TFCP2L1: variants seen among roughly 807,000 people sequenced by gnomAD.
The protein encoded by TFCP2L1 is transcription factor CP2-like protein 1.
A neutral mutation model predicts 72.2 loss-of-function variants in TFCP2L1; 12 were observed. That is an observed-to-expected ratio of 0.17 (90% CI 0.11 to 0.27). The LOEUF (loss-of-function observed/expected upper bound fraction) is 0.27, where lower values mean the gene tolerates loss of function less well. TFCP2L1 is among the 10% of genes least tolerant of loss of function. The pLI, the probability that TFCP2L1 is intolerant of heterozygous loss-of-function variation, is 1.00. For synonymous variants in TFCP2L1, 260 were observed against 251.0 expected, an observed-to-expected ratio of 1.04 and a Z score of -0.34; for missense variants, 488 against 624.6, an observed-to-expected ratio of 0.78 and a Z score of 2.33.
chr2:121,240,797 A>C, intron 7 of TFCP2L1: 1 of 943,362 alleles, frequency 1.1e-6, no homozygotes, highest in Non-Finnish European at 1.3e-6. Context: ...TAATCCATAA[A>C]TGCAGTGCTT....
chr2:121,278,184 C>T (rs1687184911), intron 2 of TFCP2L1, among the ~76,000 whole-genome samples: 1 of 148,216 alleles, frequency 6.7e-6, no homozygotes, highest in South Asian at 2.1e-4. Context: ...CTACAGGCGC[C>T]CGCCACCGCG....
chr2:121,224,312 C>G lies in TFCP2L1; in HGVS notation c.*29G>C. Reference sequence around the variant, plus strand: ...CCACGGGGATCCACAGGGCTGGGAGCTGGAGACAGGTATGAGGTCCACTGC... The same window carrying G: ...CCACGGGGATCCACAGGGCTGGGAGGTGGAGACAGGTATGAGGTCCACTGC... On this transcript the variant is annotated 3_prime_UTR_variant, in exon 15 of 15. Transcript: ENST00000263707. The G allele has an allele frequency of 6.2e-7, 1 of 1,613,342 alleles. No homozygotes were observed. Among genetic ancestry groups the G allele is most frequent in the Non-Finnish European group, 8.5e-7 (1 of 1,179,720 alleles).
intron 2 of TFCP2L1, among the ~76,000 whole-genome samples, chr2:121,275,851 G>A (rs184118007): frequency 6.6e-6 from 1 of 152,182 alleles, no homozygotes; most frequent in Non-Finnish European, 1.5e-5. Flanking sequence ...GATTACAGGC[G>A]TGAGCCACCG....
chr2:121,263,469 CAA>C (rs10603088), intron 2 of TFCP2L1, among the ~76,000 whole-genome samples: 14,697 of 67,422 alleles, frequency 0.22, 496 homozygotes, highest in South Asian at 0.3. Context: ...CTGTTTTTGG[CAA>C]AAAAAAAAAA....
In TFCP2L1 at chr2:121,226,052, C is replaced by G. The variant is rs549269171; in HGVS notation, c.1342-439G>C. The stretch of plus-strand genomic sequence containing the variant: ...ACACACGGGAACGTGGTAAACACCA[C>G]TGCCACGGTGTCTACACACACGGGA... On this transcript the variant is annotated intron_variant, in intron 13 of 14. Coordinates refer to ENST00000263707, the MANE Select transcript of TFCP2L1 (RefSeq NM_014553.3). Among the ~76,000 whole-genome samples the G allele has an allele frequency of 3.5e-5, 5 of 144,636 alleles. 1 individual carries two copies. Among genetic ancestry groups the G allele is most frequent in the African/African-American group, 1.0e-4 (4 of 38,134 alleles). The allele number at this position is 144,636 out of a possible 152,430, so 94.9% of individuals were successfully genotyped here.
chr2:121,270,823 T>C (rs1687031982), intron 2 of TFCP2L1, among the ~76,000 whole-genome samples: 5 of 151,536 alleles, frequency 3.3e-5, no homozygotes, highest in Admixed American at 3.3e-4. Flanking sequence ...GAGCTATGAT[T>C]GTGTCACTGC....
chr2:121,222,140 C>G lies in TFCP2L1; in HGVS notation c.*2201G>C, dbSNP rs565477084. 6.6e-6 allele frequency: 1 copy of G among 152,240 alleles called. No individual in the cohort carries two copies. The highest frequency in any genetic ancestry group is 2.4e-5 in the African/African-American group (1 of 41,532). 9.4% of individuals were successfully genotyped at this position (152,240 alleles called of 1,614,324 possible). On this transcript the variant is annotated 3_prime_UTR_variant, in exon 15 of 15. Transcript: ENST00000263707. ...CATTAGGATGCTAAAAGCAAAAAGA[C>G]AGATAATAGCAAGTGTTGATGAGGA... is the stretch of plus-strand genomic sequence containing the variant.
At chr2:121,282,933 T>C (rs895092809) in intron 1 of TFCP2L1, among the ~76,000 whole-genome samples, 1 of 152,114 alleles carries the variant, frequency 6.6e-6, no homozygotes, top group Non-Finnish European at 1.5e-5. Context: ...CCCGTCACCA[T>C]CCACTGCCGA....
intron 2 of TFCP2L1, among the ~76,000 whole-genome samples, chr2:121,264,577 C>T (rs1686892473): frequency 6.6e-6 from 1 of 152,224 alleles, no homozygotes; most frequent in Non-Finnish European, 1.5e-5. Flanking sequence ...CGTGTGCTCT[C>T]AGGAGGCTTT....
chr2:121,240,603 T>A, intron 7 of TFCP2L1: 1 of 985,438 alleles, frequency 1.0e-6, no homozygotes, highest in Non-Finnish European at 1.2e-6. Flanking sequence ...CGCTGCACTG[T>A]GGCAAGGGCT....
Position 121,285,197 on chromosome 2 carries a change from G to T in TFCP2L1, c.-88C>A. 8.4e-7 allele frequency: 1 copy of T among 1,191,056 alleles called. No individual in the cohort carries two copies. The highest frequency in any genetic ancestry group is 2.5e-5 in the South Asian group (1 of 39,560). 73.8% of individuals were successfully genotyped at this position (1,191,056 alleles called of 1,614,324 possible). A position where few individuals can be genotyped will look rare whatever the true frequency, so the allele number is the denominator to read the frequency against. On this transcript the variant is annotated 5_prime_UTR_variant, in exon 1 of 15. Coordinates refer to ENST00000263707, the MANE Select transcript of TFCP2L1 (RefSeq NM_014553.3). ...GGACCCAGCGGCGGCTTCGCGCTCCGAACCCGCGGTGCCGGCCGGCTCGGC... is the reference window on the plus strand; with the variant it reads ...GGACCCAGCGGCGGCTTCGCGCTCCTAACCCGCGGTGCCGGCCGGCTCGGC...
In TFCP2L1 at chr2:121,261,070, G is replaced by A. The variant is rs373629155; in HGVS notation, c.215-11423C>T. Among the ~76,000 whole-genome samples the A allele has an allele frequency of 4.6e-5, 7 of 152,270 alleles. No homozygotes were observed. The South Asian group carries it at 1.5e-3, about 32-fold the overall frequency. On this transcript the variant is annotated intron_variant, in intron 2 of 14. Coordinates refer to ENST00000263707, the MANE Select transcript of TFCP2L1 (RefSeq NM_014553.3). The stretch of plus-strand genomic sequence containing the variant: ...GCACACACGGCTGACCTTGTCTCTT[G>A]CACATGTGCAATACTAGGCAAGTGT...
rs142315900 is a variant in TFCP2L1 at position 121,272,627 on chromosome 2, A to G, written c.214+8493T>C. On this transcript the variant is annotated intron_variant, in intron 2 of 14. Coordinates refer to ENST00000263707, the MANE Select transcript of TFCP2L1 (RefSeq NM_014553.3). ...GGGAAAAGAGAGGATAAAAATCAGCAAAAGTTATCAAAGTCTCAACTCGAT... is the reference window on the plus strand; with the variant it reads ...GGGAAAAGAGAGGATAAAAATCAGCGAAAGTTATCAAAGTCTCAACTCGAT... Among the ~76,000 whole-genome samples, 19 of 152,324 alleles carry G rather than the reference A, an allele frequency of 1.2e-4. No individual in the cohort carries two copies. The East Asian group carries it at 3.7e-3, about 29-fold the overall frequency.
chr2:121,263,978 T>C (rs910313688), intron 2 of TFCP2L1, among the ~76,000 whole-genome samples: 3 of 152,172 alleles, frequency 2.0e-5, no homozygotes, highest in Non-Finnish European at 2.9e-5. Flanking sequence ...AAGCCTGCCC[T>C]GTAAGTTAGT....
chr2:121,255,264 G>T (rs1405453231), intron 2 of TFCP2L1, among the ~76,000 whole-genome samples: 1 of 152,184 alleles, frequency 6.6e-6, no homozygotes, highest in Non-Finnish European at 1.5e-5. Context: ...CCAAGTTAAG[G>T]CTTCTGTTTG....
chr2:121,269,918 A>AAAAAAAAAAAAAAAAAAAAAAAATAT, intron 2 of TFCP2L1, among the ~76,000 whole-genome samples: 16 of 115,172 alleles, frequency 1.4e-4, no homozygotes, highest in Admixed American at 1.8e-4. Flanking sequence ...AAAAAAAAAA[A>AAAAAAAAAAAAAAAAAAAAAAAATAT]ATATATATAT....
intron 4 of TFCP2L1, 61 bp from the exon 5 acceptor site, chr2:121,248,331 A>G (rs1686531790): frequency 7.3e-7 from 1 of 1,378,004 alleles, no homozygotes; most frequent in Non-Finnish European, 1.0e-6. Flanking sequence ...ATATTTAGGG[A>G]AAGACCCCTG....
At chr2:121,235,574 CTTTTTTTTTTT>C (rs34634906) in intron 10 of TFCP2L1, among the ~76,000 whole-genome samples, 2 of 119,844 alleles carry the variant, frequency 1.7e-5, no homozygotes, top group East Asian at 2.7e-4. Context: ...TTCTTTCTTT[CTTTTTTTTTTT>C]TTTTTTTTTT....
Position 121,252,311 on chromosome 2 carries a change from T to C in TFCP2L1, c.215-2664A>G, listed in dbSNP as rs117634602. ...ATCCCCCAGCCTTGGCCTCCCAAAG[T>C]ACTGAGATTATAGGCACGAGCCACC... On this transcript the variant is annotated intron_variant, in intron 2 of 14. Coordinates refer to ENST00000263707, the MANE Select transcript of TFCP2L1 (RefSeq NM_014553.3). 2.2e-4 allele frequency among the ~76,000 whole-genome samples: 33 copies of C among 152,174 alleles called. 1 individual carries two copies. In the East Asian group the frequency reaches 6.2e-3, roughly 29 times the overall value.
Sources: gnomAD v4.1 joint callset for allele counts (sites outside exome capture counted in the v4.1 genomes callset) on GRCh38, gnomAD v4.1.1 for gene constraint, MANE v1.5 for transcripts, NCBI Gene and HGNC (gene_info 2026-07-23, HGNC 2026-07-21) for gene names.